GNG2: variants seen among roughly 807,000 people sequenced by gnomAD.
The protein encoded by GNG2 is guanine nucleotide-binding protein G(I)/G(S)/G(O) subunit gamma-2.
Under a neutral mutation model 5.5 loss-of-function variants are expected in GNG2, and 5 were observed. The observed-to-expected ratio is 0.91, with a 90% CI of 0.48 to 1.92. The LOEUF (loss-of-function observed/expected upper bound fraction) is 1.92, where lower values mean the gene tolerates loss of function less well. GNG2 is among the 30% of genes most tolerant of loss of function. GNG2 has a pLI of 0.01. For missense variants in GNG2, 55 were observed against 88.4 expected (o/e 0.62, Z 1.52); for synonymous variants, 28 against 32.0 (o/e 0.88, Z 0.42).
rs541836103 is a variant in GNG2 at position 51,884,617 on chromosome 14, G to C, written c.-30+6960G>C. 2.6e-5 allele frequency among the ~76,000 whole-genome samples: 4 copies of C among 152,280 alleles called. No individual in the cohort carries two copies. In the East Asian group the frequency reaches 7.7e-4, roughly 29 times the overall value. ...CACCTCTGTGGCTCCTGCAGTAAAG[G>C]CTATGAAGTGAAGGAGACGGGTGCA... On this transcript the variant is annotated intron_variant, in intron 2 of 3. Transcript: ENST00000556766.
rs556157637 is a variant in GNG2, at chr14:51,834,235, C to T, written c.64+6428C>T. Among the ~76,000 whole-genome samples, 269 of 152,292 alleles carry T rather than the reference C, an allele frequency of 1.8e-3. 3 individuals are homozygous for T. Among genetic ancestry groups the T allele is most frequent in the African/African-American group, 6.3e-3 (260 of 41,570 alleles). On this transcript the variant is annotated intron_variant, in intron 2 of 3. Coordinates refer to the GNG2 transcript ENST00000553432. Reference sequence around the variant, plus strand: ...GAGGATTCCTGTCTATTAACTAGTGCGATGCAAACGCCTCCTTACCTATAC... The same window carrying T: ...GAGGATTCCTGTCTATTAACTAGTGTGATGCAAACGCCTCCTTACCTATAC...
intron 2 of GNG2, among the ~76,000 whole-genome samples, chr14:51,879,214 A>G (rs1055222889): frequency 6.6e-6 from 1 of 152,246 alleles, no homozygotes; most frequent in Non-Finnish European, 1.5e-5. Flanking sequence ...GTAGTTCCTT[A>G]TGTAAGTAGT....
chr14:51,839,250 A>T (rs1250186204), intron 2 of GNG2, among the ~76,000 whole-genome samples: 2 of 152,206 alleles, frequency 1.3e-5, no homozygotes, highest in Admixed American at 6.5e-5. Context: ...CAATCAACAC[A>T]TGTAAGATGA....
intron 2 of GNG2, among the ~76,000 whole-genome samples, chr14:51,878,903 T>C (rs1183413891): frequency 6.6e-6 from 1 of 152,252 alleles, no homozygotes; most frequent in African/African-American, 2.4e-5. Context: ...AGTTGATTTC[T>C]GTCATGCTAA....
At chr14:51,916,172 T>G (rs1163038352) in intron 2 of GNG2, 1 of 241,258 alleles carries the variant, frequency 4.1e-6, no homozygotes, top group Non-Finnish European at 8.2e-6. Context: ...TATGTAATCA[T>G]TTTATTTCTG....
At chr14:51,841,694 A>C (rs1881487867) in intron 2 of GNG2, 3 of 603,166 alleles carry the variant, frequency 5.0e-6, no homozygotes, top group Non-Finnish European at 3.0e-6. Context: ...GATGAGAAAA[A>C]TCACTTTGTA....
In GNG2 at chr14:51,950,645, T is replaced by TCA; in HGVS notation, c.-29-4_-29-3insAC. ...GTACAATCTTCTTTTTGTTTTCTTT[T>TCA]CTAGTGTTTCTGAAAGATCTATCCA... On this transcript the variant is annotated splice_region_variant and splice_polypyrimidine_tract_variant and intron_variant, in intron 2 of 3. Transcript: ENST00000556766. The TCA allele has an allele frequency of 6.6e-7, 1 of 1,510,892 alleles. No homozygotes were observed. The highest frequency in any genetic ancestry group is 1.8e-5 in the Admixed American group (1 of 56,786). The allele number at this position is 1,510,892 out of a possible 1,614,324, so 93.6% of individuals were successfully genotyped here. A position where few individuals can be genotyped will look rare whatever the true frequency, so the allele number is the denominator to read the frequency against.
chr14:51,851,872 A>G (rs1282377373), intron 2 of GNG2, among the ~76,000 whole-genome samples: 1 of 152,150 alleles, frequency 6.6e-6, no homozygotes, highest in African/African-American at 2.4e-5. Context: ...AAAACCATTG[A>G]TGTATGTAAT....
At chr14:51,906,000 A>G (rs1406473752) in intron 2 of GNG2, among the ~76,000 whole-genome samples, 2 of 152,250 alleles carry the variant, frequency 1.3e-5, no homozygotes, top group Admixed American at 1.3e-4. Flanking sequence ...CTTTATTAGC[A>G]GCATGAGAAC....
At chr14:51,884,854 T>C (rs1594874743) in intron 2 of GNG2, among the ~76,000 whole-genome samples, 1 of 152,280 alleles carries the variant, frequency 6.6e-6, no homozygotes. Context: ...CAGACCACGA[T>C]AGTTGGTTCA....
chr14:51,884,737 G>A (rs894018823), intron 2 of GNG2, among the ~76,000 whole-genome samples: 2 of 152,178 alleles, frequency 1.3e-5, no homozygotes, highest in African/African-American at 4.8e-5. Context: ...TGTCCTCCTA[G>A]TCTCCTCAGT....
intron 1 of GNG2, among the ~76,000 whole-genome samples, chr14:51,866,949 A>G (rs1486849137): frequency 1.3e-5 from 2 of 152,216 alleles, no homozygotes; most frequent in Non-Finnish European, 2.9e-5. Flanking sequence ...TCTCTATCCC[A>G]TTCCCTTTTA....
At chr14:51,951,476 T>A (rs17124768) in intron 3 of GNG2, among the ~76,000 whole-genome samples, 4,970 of 152,268 alleles carry the variant, frequency 0.033, 191 homozygotes, top group East Asian at 0.14. Flanking sequence ...TATGGCACGG[T>A]GGCAAAGTAA....
chr14:51,876,254 T>C (rs967805801), intron 1 of GNG2, among the ~76,000 whole-genome samples: 1 of 152,224 alleles, frequency 6.6e-6, no homozygotes, highest in Non-Finnish European at 1.5e-5. Context: ...AAATTTCTTG[T>C]ATTCATTGTT....
intron 2 of GNG2, among the ~76,000 whole-genome samples, chr14:51,839,740 A>C (rs554084797): frequency 6.6e-6 from 1 of 152,330 alleles, no homozygotes; most frequent in Admixed American, 6.5e-5. Flanking sequence ...AACTACTTTA[A>C]AAAGGGTAAA....
intron 2 of GNG2, among the ~76,000 whole-genome samples, chr14:51,928,771 T>C (rs1887488293): frequency 6.6e-6 from 1 of 152,218 alleles, no homozygotes; most frequent in Admixed American, 6.5e-5. Flanking sequence ...GACTAATGCC[T>C]GGTATTCTTT....
intron 2 of GNG2, among the ~76,000 whole-genome samples, chr14:51,846,848 G>A (rs1594832218): frequency 6.6e-6 from 1 of 152,206 alleles, no homozygotes; most frequent in South Asian, 2.1e-4. Context: ...ACTTTTGTGT[G>A]AGAGAAGAAA....
chr14:51,844,135 T>A (rs933123643), intron 2 of GNG2, among the ~76,000 whole-genome samples: 5 of 152,256 alleles, frequency 3.3e-5, no homozygotes, highest in Non-Finnish European at 7.3e-5. Context: ...GACATTCAAT[T>A]TGTTGAGGCA....
intron 2 of GNG2, among the ~76,000 whole-genome samples, chr14:51,927,184 T>C (rs935370349): frequency 1.1e-3 from 7 of 6,628 alleles, no homozygotes; most frequent in Non-Finnish European, 2.7e-3. Context: ...TCTCCTGTTA[T>C]TTACTGTTAT....
Sources: gnomAD v4.1 joint callset for allele counts (sites outside exome capture counted in the v4.1 genomes callset) on GRCh38, gnomAD v4.1.1 for gene constraint, MANE v1.5 for transcripts, NCBI Gene and HGNC (gene_info 2026-07-23, HGNC 2026-07-21) for gene names.